Variants in FTO observed in about 807,000 individuals in gnomAD.
FTO encodes the protein alpha-ketoglutarate-dependent dioxygenase FTO.
In FTO, 47 loss-of-function variants were observed where a neutral mutation model predicts 63.9. The observed-to-expected ratio is 0.74, with a 90% CI of 0.58 to 0.94. The LOEUF (loss-of-function observed/expected upper bound fraction) is 0.94. Ranked by LOEUF, FTO falls within the 40% of genes least tolerant of loss-of-function variation. FTO has a pLI of 0.00. For missense variants in FTO, 562 were observed against 618.1 expected (o/e 0.91, Z 0.96); for synonymous variants, 207 against 224.4 (o/e 0.92, Z 0.69).
At chr16:53,813,637 A>G (rs1005858142) in intron 2 of FTO, among the ~76,000 whole-genome samples, 6 of 152,214 alleles carry the variant, frequency 3.9e-5, no homozygotes, top group Non-Finnish European at 8.8e-5. Flanking sequence ...CAGACCTGAC[A>G]CTGGGTCCCT....
chr16:53,970,661 G>A (rs1278522288), intron 8 of FTO, among the ~76,000 whole-genome samples: 3 of 151,798 alleles, frequency 2.0e-5, no homozygotes, highest in African/African-American at 4.8e-5. Flanking sequence ...GCAAACAGGT[G>A]GGCACTTATG....
At chr16:53,944,465 T>G (rs977626575) in intron 8 of FTO, among the ~76,000 whole-genome samples, 6 of 152,224 alleles carry the variant, frequency 3.9e-5, no homozygotes, top group African/African-American at 1.4e-4. Flanking sequence ...GATAGGTCAT[T>G]GTATAAAAGT....
Position 54,116,565 on chromosome 16 carries a change from G to A in FTO, c.*4650G>A, listed in dbSNP as rs888607740. The A allele has an allele frequency of 6.6e-6, 1 of 152,136 alleles. No individual in the cohort carries two copies. The highest frequency in any genetic ancestry group is 2.4e-5 in the African/African-American group (1 of 41,410). 9.4% of individuals were successfully genotyped at this position (152,136 alleles called of 1,614,324 possible). A position where few individuals can be genotyped will look rare whatever the true frequency, so the allele number is the denominator to read the frequency against. On this transcript the variant is annotated 3_prime_UTR_variant, in exon 9 of 9. Coordinates refer to ENST00000471389, the MANE Select transcript of FTO (RefSeq NM_001080432.3). ...AACCATAAAGGGGAGAGACGGCACA[G>A]GCGTGTTGTGATGATTGCGGCTGTA...
intron 8 of FTO, among the ~76,000 whole-genome samples, chr16:54,105,577 G>C (rs539784347): frequency 1.3e-5 from 2 of 152,280 alleles, no homozygotes; most frequent in African/African-American, 4.8e-5. Flanking sequence ...ATCTCTCCTA[G>C]ATTATTAGGA....
intron 4 of FTO, among the ~76,000 whole-genome samples, chr16:53,864,807 T>C (rs2080263862): frequency 1.3e-5 from 2 of 152,204 alleles, no homozygotes; most frequent in African/African-American, 4.8e-5. Flanking sequence ...GAAGCTTGTG[T>C]CGCTTTTATA....
chr16:54,097,192 A>G (rs1271961925), intron 8 of FTO, among the ~76,000 whole-genome samples: 1 of 152,198 alleles, frequency 6.6e-6, no homozygotes, highest in Non-Finnish European at 1.5e-5. Context: ...CTAAGTAATG[A>G]TGGCCAGAAA....
intron 1 of FTO, among the ~76,000 whole-genome samples, chr16:53,752,170 T>G (rs2076812417): frequency 6.6e-6 from 1 of 152,204 alleles, no homozygotes. Flanking sequence ...GATGAAACTG[T>G]CTTCAAGACA....
chr16:54,009,454 A>G lies in FTO; in HGVS notation c.1364+75345A>G, dbSNP rs147899562. 3.2e-3 allele frequency among the ~76,000 whole-genome samples: 480 copies of G among 152,330 alleles called. 4 individuals are homozygous for G. The highest frequency in any genetic ancestry group is 6.8e-3 in the Middle Eastern group (2 of 294). ...AAACTCATATTGCAAGTCTTGGCAAACTGAGAGATAGGAGCAGAAAACAAT... is the reference window on the plus strand; with the variant it reads ...AAACTCATATTGCAAGTCTTGGCAAGCTGAGAGATAGGAGCAGAAAACAAT... On this transcript the variant is annotated intron_variant, in intron 8 of 8. Transcript: ENST00000471389.
At chr16:53,949,770 T>G (rs2082728426) in intron 8 of FTO, among the ~76,000 whole-genome samples, 1 of 151,928 alleles carries the variant, frequency 6.6e-6, no homozygotes, top group Non-Finnish European at 1.5e-5. Flanking sequence ...AGTCTGTATA[T>G]CCAGATCCAT....
At chr16:53,836,137 C>T (rs1011449057) in intron 3 of FTO, among the ~76,000 whole-genome samples, 6 of 152,114 alleles carry the variant, frequency 3.9e-5, no homozygotes, top group Admixed American at 2.0e-4. Flanking sequence ...GTGATCTGCC[C>T]GCCTCAGCTT....
chr16:54,036,800 A>G lies in FTO; in HGVS notation c.1365-74962A>G, dbSNP rs184767613. ...TACCAAGAGGTATAGATGTGTAGTA[A>G]TACAGAGGACACTTATGAAGACTGT... On this transcript the variant is annotated intron_variant, in intron 8 of 8. Coordinates refer to ENST00000471389, the MANE Select transcript of FTO (RefSeq NM_001080432.3). Among the ~76,000 whole-genome samples the G allele has an allele frequency of 3.3e-5, 5 of 152,320 alleles. No homozygotes were observed. The East Asian group carries it at 9.7e-4, about 29-fold the overall frequency.
chr16:53,726,017 C>G (rs986297079), intron 1 of FTO, among the ~76,000 whole-genome samples: 5 of 152,028 alleles, frequency 3.3e-5, no homozygotes, highest in African/African-American at 1.2e-4. Context: ...AAAGAAGAAA[C>G]CTCTTTACAG....
At chr16:53,802,805 T>G (rs2078260966) in intron 1 of FTO, among the ~76,000 whole-genome samples, 1 of 152,220 alleles carries the variant, frequency 6.6e-6, no homozygotes, top group African/African-American at 2.4e-5. Flanking sequence ...CATTATTCTT[T>G]TCTTCTATTA....
intron 1 of FTO, among the ~76,000 whole-genome samples, chr16:53,754,555 T>G (rs1033012264): frequency 6.6e-6 from 1 of 152,180 alleles, no homozygotes; most frequent in Admixed American, 6.5e-5. Flanking sequence ...GGAGAATCAC[T>G]TGAACCCGGA....
intron 3 of FTO, among the ~76,000 whole-genome samples, chr16:53,830,197 C>T (rs1284268890): frequency 2.0e-5 from 3 of 152,200 alleles, no homozygotes; most frequent in African/African-American, 7.2e-5. Context: ...TTGGCTTTCA[C>T]ATGCCGTTCT....
At chr16:53,889,285 A>T (rs2081087749) in intron 7 of FTO, among the ~76,000 whole-genome samples, 1 of 152,214 alleles carries the variant, frequency 6.6e-6, no homozygotes, top group Non-Finnish European at 1.5e-5. Flanking sequence ...ATTAACTTTA[A>T]AAAATTTTTA....
intron 7 of FTO, among the ~76,000 whole-genome samples, chr16:53,897,112 T>C (rs1039576360): frequency 6.6e-6 from 1 of 152,208 alleles, no homozygotes; most frequent in Admixed American, 6.5e-5. Context: ...TTTTCTGTAT[T>C]CCTGAAAGGA....
At chr16:54,089,856 G>A (rs1309214250) in intron 8 of FTO, among the ~76,000 whole-genome samples, 2 of 146,384 alleles carry the variant, frequency 1.4e-5, no homozygotes, top group African/African-American at 5.5e-5. Flanking sequence ...CTACTGGGAT[G>A]GCAATTAAAA....
chr16:53,970,595 A>G (rs549060014), intron 8 of FTO, among the ~76,000 whole-genome samples: 28 of 151,574 alleles, frequency 1.8e-4, no homozygotes, highest in Admixed American at 1.1e-3. Flanking sequence ...CATCTCAAAA[A>G]AAAAAAAAAA....
Sources: gnomAD v4.1 joint callset for allele counts (sites outside exome capture counted in the v4.1 genomes callset) on GRCh38, gnomAD v4.1.1 for gene constraint, MANE v1.5 for transcripts, NCBI Gene and HGNC (gene_info 2026-07-23, HGNC 2026-07-21) for gene names.